MPPED2: variants seen among roughly 807,000 people sequenced by gnomAD.
The protein encoded by MPPED2 is metallophosphoesterase MPPED2.
A neutral mutation model predicts 33.0 loss-of-function variants in MPPED2; 5 were observed. The observed-to-expected ratio is 0.15, with a 90% confidence interval of 0.08 to 0.32. MPPED2 has a LOEUF of 0.32. Ranked by LOEUF, MPPED2 falls within the 10% of genes least tolerant of loss-of-function variation. The pLI is 1.00. For missense variants in MPPED2, 275 were observed against 372.1 expected, an observed-to-expected ratio of 0.74 and a Z score of 2.15; for synonymous variants, 136 against 141.9, an observed-to-expected ratio of 0.96 and a Z score of 0.29.
intron 2 of MPPED2, among the ~76,000 whole-genome samples, chr11:30,558,725 C>T (rs765127448): frequency 2.0e-5 from 3 of 151,814 alleles, no homozygotes; most frequent in African/African-American, 7.3e-5. Flanking sequence ...CCCAGCCCTT[C>T]CTTCTTTTCT....
chr11:30,484,227 A>G (rs1951621353), intron 4 of MPPED2, among the ~76,000 whole-genome samples: 1 of 152,086 alleles, frequency 6.6e-6, no homozygotes, highest in Non-Finnish European at 1.5e-5. Context: ...CTGTCTTAGG[A>G]AATTTCATCC....
intron 3 of MPPED2, among the ~76,000 whole-genome samples, chr11:30,527,363 G>C (rs184239134): frequency 7.1e-6 from 1 of 141,778 alleles, no homozygotes; most frequent in Non-Finnish European, 1.6e-5. Context: ...ATGTGAAAGA[G>C]TTGTTTTTTT....
intron 4 of MPPED2, among the ~76,000 whole-genome samples, chr11:30,443,187 A>G (rs1270697136): frequency 6.6e-6 from 1 of 152,194 alleles, no homozygotes; most frequent in African/African-American, 2.4e-5. Context: ...TTAAAAAAAT[A>G]ATAAATAAAT....
At chr11:30,423,616 C>G (rs544698531) in intron 4 of MPPED2, among the ~76,000 whole-genome samples, 7 of 152,080 alleles carry the variant, frequency 4.6e-5, no homozygotes, top group South Asian at 2.1e-4. Context: ...TCAAACAGAC[C>G]CAAGTTCAAG....
At chr11:30,403,104 G>A (rs1032604065) in intron 6 of MPPED2, among the ~76,000 whole-genome samples, 1 of 152,090 alleles carries the variant, frequency 6.6e-6, no homozygotes. Context: ...AAAATTAGCC[G>A]GGCATGGTGG....
chr11:30,559,820 T>C (rs1956159777), intron 2 of MPPED2, among the ~76,000 whole-genome samples: 2 of 152,246 alleles, frequency 1.3e-5, no homozygotes, highest in Admixed American at 6.5e-5. Context: ...ATGACTGGCA[T>C]GCCTTTTCTT....
intron 1 of MPPED2, among the ~76,000 whole-genome samples, chr11:30,582,931 A>G (rs921665770): frequency 2.6e-5 from 4 of 152,176 alleles, no homozygotes; most frequent in African/African-American, 9.7e-5. Context: ...GAAACAGTGC[A>G]CCTGCAGCGT....
intron 4 of MPPED2, among the ~76,000 whole-genome samples, chr11:30,487,629 T>C (rs947953193): frequency 7.2e-5 from 11 of 151,834 alleles, no homozygotes; most frequent in African/African-American, 2.7e-4. Context: ...TACAAGCACA[T>C]ACCATGCCTG....
intron 2 of MPPED2, among the ~76,000 whole-genome samples, chr11:30,551,628 T>C (rs1000963600): frequency 3.9e-5 from 6 of 152,224 alleles, no homozygotes; most frequent in African/African-American, 1.4e-4. Flanking sequence ...CCAAGTATTA[T>C]TTGCTTCTAT....
At chr11:30,534,652 T>C (rs2134472910) in intron 3 of MPPED2, among the ~76,000 whole-genome samples, 1 of 152,292 alleles carries the variant, frequency 6.6e-6, no homozygotes, top group East Asian at 1.9e-4. Flanking sequence ...TACAGTGCCC[T>C]TGAAAAGCAA....
intron 4 of MPPED2, among the ~76,000 whole-genome samples, chr11:30,437,897 A>G (rs2133881415): frequency 6.6e-6 from 1 of 152,332 alleles, no homozygotes; most frequent in Middle Eastern, 3.4e-3. Context: ...ATAGCAGCCC[A>G]GGATGAGTAA....
intron 3 of MPPED2, among the ~76,000 whole-genome samples, chr11:30,518,385 CTT>C (rs751279095): frequency 3.3e-5 from 5 of 152,178 alleles, no homozygotes; most frequent in Admixed American, 6.6e-5. Context: ...TTATAAATGA[CTT>C]TAAAAATCAT....
intron 4 of MPPED2, 58 bp from the exon 5 acceptor site, chr11:30,417,691 A>G: frequency 2.1e-6 from 2 of 969,660 alleles, no homozygotes; most frequent in Non-Finnish European, 3.3e-6. Context: ...TCCGCTCTGC[A>G]ATATTTCTCT....
chr11:30,387,603 C>T (rs554087607), exon 7 of MPPED2: 1 of 152,010 alleles, frequency 6.6e-6, no homozygotes, highest in African/African-American at 2.4e-5. Context: ...TGGAGGTGGT[C>T]CCTAGAACAC....
At chr11:30,430,531 A>G (rs898271521) in intron 4 of MPPED2, among the ~76,000 whole-genome samples, 1 of 152,212 alleles carries the variant, frequency 6.6e-6, no homozygotes, top group African/African-American at 2.4e-5. Context: ...TCATATCGGA[A>G]AATGCTGTCA....
At chr11:30,404,540 C>G (rs564119194) in intron 6 of MPPED2, among the ~76,000 whole-genome samples, 2 of 152,350 alleles carry the variant, frequency 1.3e-5, no homozygotes, top group South Asian at 2.1e-4. Context: ...GGCAGACTCC[C>G]TTTCCTAGGC....
At chr11:30,508,206 T>C (rs1277209513) in intron 3 of MPPED2, among the ~76,000 whole-genome samples, 2 of 152,180 alleles carry the variant, frequency 1.3e-5, no homozygotes, top group African/African-American at 4.8e-5. Context: ...CTGAACGTTG[T>C]TCCAAAGCAA....
intron 2 of MPPED2, among the ~76,000 whole-genome samples, chr11:30,552,522 A>T (rs1955764615): frequency 1.3e-5 from 2 of 152,206 alleles, no homozygotes; most frequent in South Asian, 4.1e-4. Context: ...TATGCATTTT[A>T]AAAATATAAT....
chr11:30,580,704 ATCT>A (rs1372112445), intron 1 of MPPED2, among the ~76,000 whole-genome samples: 5 of 152,302 alleles, frequency 3.3e-5, no homozygotes, highest in South Asian at 2.1e-4. Flanking sequence ...GTGCTAGCAA[ATCT>A]TCTCAATGGA....
Sources: gnomAD v4.1 joint callset for allele counts (sites outside exome capture counted in the v4.1 genomes callset) on GRCh38, gnomAD v4.1.1 for gene constraint, MANE v1.5 for transcripts, NCBI Gene and HGNC (gene_info 2026-07-23, HGNC 2026-07-21) for gene names.